Variants in IL1RAPL2 observed in about 807,000 individuals in gnomAD.
IL1RAPL2 encodes the protein interleukin 1 receptor accessory protein like 2.
IL1RAPL2 carries 3 observed loss-of-function variants against 44.1 expected under a neutral mutation model. The ratio of observed to expected loss-of-function variants is 0.07; its 90% CI spans 0.03 to 0.18. The LOEUF is 0.18. IL1RAPL2 is among the 10% of genes least tolerant of loss of function. The pLI is 1.00. For missense variants in IL1RAPL2, 391 were observed against 496.4 expected (o/e 0.79, Z 2.02); for synonymous variants, 181 against 178.8 (o/e 1.01, Z -0.10).
intron 2 of IL1RAPL2, among the ~76,000 whole-genome samples, chrX:104,841,511 T>C (rs1006601172): frequency 5.4e-5 from 6 of 112,137 alleles, no homozygotes; most frequent in Non-Finnish European, 1.1e-4. Flanking sequence ...GGTGTGTTTT[T>C]GCAGTGGCTG....
chrX:105,108,229 T>G lies in IL1RAPL2; in HGVS notation c.83-87246T>G, dbSNP rs749383594. Among the ~76,000 whole-genome samples the G allele has an allele frequency of 8.0e-5, 9 of 112,076 alleles. No individual in the cohort carries two copies. In the South Asian group the frequency reaches 3.3e-3, roughly 42 times the overall value. On this transcript the variant is annotated intron_variant, in intron 2 of 10. Transcript: ENST00000372582. ...AAACTGGACATGTCACAGGATGAAT[T>G]TATCAACTCACTACCCTCTGCAATA...
intron 6 of IL1RAPL2, among the ~76,000 whole-genome samples, chrX:105,503,948 G>A (rs890919099): frequency 9.1e-6 from 1 of 110,239 alleles, no homozygotes; most frequent in East Asian, 2.9e-4. Flanking sequence ...CCCTAATCCA[G>A]TATCATCTCA....
At chrX:104,763,239 C>T (rs1932497534) in intron 2 of IL1RAPL2, among the ~76,000 whole-genome samples, 1 of 112,026 alleles carries the variant, frequency 8.9e-6, no homozygotes, top group Non-Finnish European at 1.9e-5. Context: ...GCTACTTTTG[C>T]TCCAGTTCCC....
chrX:104,997,317 A>G (rs1200454892), intron 2 of IL1RAPL2, among the ~76,000 whole-genome samples: 1 of 112,251 alleles, frequency 8.9e-6, no homozygotes, highest in Non-Finnish European at 1.9e-5. Flanking sequence ...TAAACAAAAT[A>G]TATTAGTATT....
chrX:104,976,713 C>T (rs1050807125), intron 2 of IL1RAPL2, among the ~76,000 whole-genome samples: 1 of 110,206 alleles, frequency 9.1e-6, no homozygotes, highest in Non-Finnish European at 1.9e-5. Flanking sequence ...ATGCCCGAAA[C>T]CTCAGAGTTT....
At chrX:105,188,785 G>C (rs782773543) in intron 2 of IL1RAPL2, among the ~76,000 whole-genome samples, 1 of 112,373 alleles carries the variant, frequency 8.9e-6, no homozygotes, top group Non-Finnish European at 1.9e-5. Flanking sequence ...TATATATAGA[G>C]CTGGAGTGGG....
intron 2 of IL1RAPL2, among the ~76,000 whole-genome samples, chrX:105,136,457 T>C (rs2033077587): frequency 1.8e-5 from 2 of 112,641 alleles, no homozygotes; most frequent in Non-Finnish European, 3.8e-5. Context: ...GTCTTTGCTA[T>C]GTGCAGTGCA....
chrX:104,907,648 T>C (rs1366998297), intron 2 of IL1RAPL2, among the ~76,000 whole-genome samples: 1 of 111,803 alleles, frequency 8.9e-6, no homozygotes, highest in Non-Finnish European at 1.9e-5. Context: ...TCTAGTTTGT[T>C]TGCACTGTGG....
intron 2 of IL1RAPL2, among the ~76,000 whole-genome samples, chrX:105,163,989 G>T (rs913076249): frequency 2.7e-5 from 3 of 110,969 alleles, no homozygotes; most frequent in Non-Finnish European, 3.8e-5. Flanking sequence ...TATCTCAGCA[G>T]CTGACGAATT....
intron 5 of IL1RAPL2, among the ~76,000 whole-genome samples, chrX:105,330,686 G>A (rs1003717535): frequency 1.8e-5 from 2 of 111,205 alleles, no homozygotes; most frequent in African/African-American, 6.5e-5. Flanking sequence ...CTTCTTTCAC[G>A]TCTTCACACA....
intron 6 of IL1RAPL2, among the ~76,000 whole-genome samples, chrX:105,578,894 A>G (rs2037069544): frequency 8.9e-6 from 1 of 111,863 alleles, no homozygotes; most frequent in Admixed American, 9.5e-5. Context: ...TGTAATTGAG[A>G]TCCATTTTAT....
intron 4 of IL1RAPL2, among the ~76,000 whole-genome samples, chrX:105,237,066 A>G (rs2034126519): frequency 9.0e-6 from 1 of 110,856 alleles, no homozygotes; most frequent in African/African-American, 3.3e-5. Flanking sequence ...TCATTGTTCA[A>G]TTCCCACCTA....
intron 6 of IL1RAPL2, among the ~76,000 whole-genome samples, chrX:105,514,536 A>G (rs1685813720): frequency 8.9e-6 from 1 of 112,865 alleles, no homozygotes; most frequent in Admixed American, 9.4e-5. Context: ...TTTGAAGCAG[A>G]TACAACAAAA....
intron 2 of IL1RAPL2, among the ~76,000 whole-genome samples, chrX:105,067,870 C>T (rs1226467445): frequency 8.9e-6 from 1 of 111,987 alleles, no homozygotes; most frequent in African/African-American, 3.2e-5. Context: ...ATCTCCTTTC[C>T]ACCTACGCTG....
intron 6 of IL1RAPL2, among the ~76,000 whole-genome samples, chrX:105,642,060 C>T (rs752095286): frequency 4.4e-4 from 49 of 110,799 alleles, no homozygotes; most frequent in South Asian, 1.6e-3. Context: ...TCCCTACTGA[C>T]GAAGAAGGGC....
intron 5 of IL1RAPL2, among the ~76,000 whole-genome samples, chrX:105,477,079 C>G (rs763697914): frequency 8.9e-6 from 1 of 111,867 alleles, no homozygotes; most frequent in Non-Finnish European, 1.9e-5. Flanking sequence ...TGCTTTTTTG[C>G]AGCAGGTTTT....
intron 5 of IL1RAPL2, among the ~76,000 whole-genome samples, chrX:105,374,115 CAAAAAA>C (rs1177602549): frequency 1.1e-4 from 5 of 45,354 alleles, no homozygotes; most frequent in African/African-American, 2.1e-4. Context: ...GCAAGACTGT[CAAAAAA>C]AAAAAAAAAA....
At chrX:105,134,044 T>C (rs1261265259) in intron 2 of IL1RAPL2, among the ~76,000 whole-genome samples, 1 of 112,051 alleles carries the variant, frequency 8.9e-6, no homozygotes, top group Non-Finnish European at 1.9e-5. Context: ...TTTGTGTTTG[T>C]AAAATTGTCT....
At chrX:105,377,409 A>T (rs747632584) in intron 5 of IL1RAPL2, among the ~76,000 whole-genome samples, 18 of 106,407 alleles carry the variant, frequency 1.7e-4, no homozygotes, top group South Asian at 8.1e-4. Flanking sequence ...TGTGTGTGTG[A>T]GAGAGAGAGA....
Sources: allele counts gnomAD v4.1 joint callset (sites outside exome capture counted in the v4.1 genomes callset), GRCh38; gene constraint gnomAD v4.1.1; transcripts MANE v1.5; gene names NCBI Gene and HGNC (gene_info 2026-07-23, HGNC 2026-07-21).